C18orf54: variants seen among roughly 807,000 people sequenced by gnomAD.
The protein encoded by C18orf54 is chromosome 18 open reading frame 54, also known as lung adenoma susceptibility protein 2.
C18orf54 carries 49 observed loss-of-function variants against 49.3 expected under a neutral mutation model. That is an observed-to-expected ratio of 0.99 (90% confidence interval 0.79 to 1.26). C18orf54 has a LOEUF of 1.26. Among genes scored for constraint, C18orf54 ranks in the 50% most tolerant of loss-of-function variants. The pLI, the probability that C18orf54 is intolerant of heterozygous loss-of-function variation, is 0.00. For synonymous variants in C18orf54, 211 were observed against 216.6 expected (o/e 0.97, Z 0.23); for missense variants, 687 against 620.6 (o/e 1.11, Z -1.14).
intron 5 of C18orf54, chr18:54,363,963 C>T (rs958976489): frequency 3.9e-5 from 6 of 151,984 alleles, no homozygotes; most frequent in African/African-American, 1.4e-4. Flanking sequence ...GGAGAAATAA[C>T]GTCTGCTTCA....
rs766806300 is a variant in C18orf54, at chr18:54,378,196, C to G, written c.1552C>G (p.Leu518Val). ...AAGGGCTTTGCACCATTTATCTCGC[C>G]TGAGAGACCTGGTTGATGATACGAA... ...LQKALHHLSR[L>V]RDLVDDTNGE... The change falls in exon 9 of 9, where the codon CTG becomes GTG. Residue 518 changes from leucine to valine, a missense_variant. Transcript: ENST00000620105. The G allele has an allele frequency of 5.0e-6, 8 of 1,613,184 alleles. No individual in the cohort carries two copies. The highest frequency in any genetic ancestry group is 5.9e-6 in the Non-Finnish European group (7 of 1,179,512).
chr18:54,363,261 C>T (rs968335202), intron 5 of C18orf54, among the ~76,000 whole-genome samples: 1 of 152,050 alleles, frequency 6.6e-6, no homozygotes, highest in Admixed American at 6.6e-5. Context: ...TGACTTAAAG[C>T]TTTTCCTCTG....
At chr18:54,370,816 T>C (rs1198421638) in intron 6 of C18orf54, among the ~76,000 whole-genome samples, 1 of 152,154 alleles carries the variant, frequency 6.6e-6, no homozygotes, top group Non-Finnish European at 1.5e-5. Context: ...GTAACTATTA[T>C]GGTTGGCATA....
chr18:54,360,400 G>A (rs895394153), intron 2 of C18orf54, 127 bp from the exon 3 acceptor site: 8 of 556,426 alleles, frequency 1.4e-5, no homozygotes, highest in Non-Finnish European at 2.2e-5. Flanking sequence ...TCCTAACAAG[G>A]AGTGTCTGTT....
intron 7 of C18orf54, among the ~76,000 whole-genome samples, chr18:54,373,885 T>C (rs908735355): frequency 2.6e-5 from 4 of 151,978 alleles, no homozygotes; most frequent in African/African-American, 9.6e-5. Flanking sequence ...ATAACATTAA[T>C]ATGTAGAATG....
At chr18:54,378,076 GAAGTT>G (rs2089605413) in intron 8 of C18orf54, 93 bp from the exon 9 acceptor site, 1 of 717,698 alleles carries the variant, frequency 1.4e-6, no homozygotes, top group Non-Finnish European at 2.1e-6. Flanking sequence ...TACCAATTTT[GAAGTT>G]AATAGTCAAC....
chr18:54,373,263 CTT>C (rs1250049318), intron 7 of C18orf54, among the ~76,000 whole-genome samples: 1 of 151,304 alleles, frequency 6.6e-6, no homozygotes, highest in Non-Finnish European at 1.5e-5. Context: ...CATTTAACCT[CTT>C]TAGTTTCAGT....
intron 2 of C18orf54, 66 bp downstream of exon 2, chr18:54,358,936 G>C (rs531664418): frequency 6.6e-6 from 1 of 152,224 alleles, no homozygotes; most frequent in East Asian, 1.9e-4. Context: ...GAAGTGGGGA[G>C]AAGTGGGTGG....
chr18:54,377,267 C>T (rs1026459248), intron 8 of C18orf54, among the ~76,000 whole-genome samples: 3 of 152,088 alleles, frequency 2.0e-5, no homozygotes, highest in Admixed American at 1.3e-4. Flanking sequence ...GAACTCCTGA[C>T]CTCAGGTGGT....
At chr18:54,358,379 C>G (rs909188533) in intron 1 of C18orf54, among the ~76,000 whole-genome samples, 2 of 152,218 alleles carry the variant, frequency 1.3e-5, no homozygotes, top group Admixed American at 6.5e-5. Flanking sequence ...GGCTTGCGCT[C>G]TGGGGCTGTC....
At chr18:54,365,064 T>C (rs2089354270) in intron 5 of C18orf54, among the ~76,000 whole-genome samples, 1 of 152,024 alleles carries the variant, frequency 6.6e-6, no homozygotes, top group Non-Finnish European at 1.5e-5. Flanking sequence ...GAAATGGGTA[T>C]TTATTAAATG....
rs756713933 is a variant in C18orf54, at chr18:54,360,596, T to C, written c.24T>C (p.His8=). 9 of 1,613,882 alleles carry C rather than the reference T, an allele frequency of 5.6e-6. No homozygotes were observed. The East Asian group carries it at 1.8e-4, about 32-fold the overall frequency. Residue 8 remains histidine (H), a synonymous_variant, in exon 3 of 9, where the codon CAT becomes CAC. Transcript: ENST00000620105. The part of the protein sequence containing the change: MAKSKTK[H]RLCSQESSVS... ...CCATGGCGAAATCAAAGACAAAACA[T>C]AGACTTTGTTCTCAGGAATCTTCAG... is the stretch of plus-strand genomic sequence containing the variant.
Position 54,380,534 on chromosome 18 carries a change from A to G in C18orf54, c.*2288A>G, listed in dbSNP as rs1429681185. On this transcript the variant is annotated 3_prime_UTR_variant, in exon 9 of 9. Transcript: ENST00000620105. ...AAGACTGAAATGTATTGTCTTTACT[A>G]TCAAGAACTCTACTTTCAGTTGTTT... 1 of 152,074 alleles carries G rather than the reference A, an allele frequency of 6.6e-6. No individual in the cohort carries two copies. Among genetic ancestry groups the G allele is most frequent in the Non-Finnish European group, 1.5e-5 (1 of 67,946 alleles). 9.4% of individuals were successfully genotyped at this position (152,074 alleles called of 1,614,324 possible).
At chr18:54,369,857 CT>C (rs2089454262) in intron 6 of C18orf54, among the ~76,000 whole-genome samples, 1 of 152,076 alleles carries the variant, frequency 6.6e-6, no homozygotes, top group East Asian at 1.9e-4. Context: ...TCCCAACTCT[CT>C]TTGGTGTGGT....
Position 54,357,981 on chromosome 18 carries a change from C to T in C18orf54, c.-238C>T, listed in dbSNP as rs1339889713. 1 of 152,690 alleles carries T rather than the reference C, an allele frequency of 6.5e-6. No individual in the cohort carries two copies. Among genetic ancestry groups the T allele is most frequent in the Non-Finnish European group, 1.5e-5 (1 of 68,358 alleles). The allele number at this position is 152,690 out of a possible 1,614,324, so 9.5% of individuals were successfully genotyped here. A position where few individuals can be genotyped will look rare whatever the true frequency, so the allele number is the denominator to read the frequency against. The stretch of plus-strand genomic sequence containing the variant: ...ACTGCGGAGGAAGCTGCGAGTGAGC[C>T]GAGCCTGAGGCGGGGCGGTGTCCGG... On this transcript the variant is annotated 5_prime_UTR_variant, in exon 1 of 9. Transcript: ENST00000620105.
chr18:54,360,468 T>G, intron 2 of C18orf54, 59 bp from the exon 3 acceptor site: 3 of 1,100,974 alleles, frequency 2.7e-6, no homozygotes, highest in East Asian at 4.9e-5. Flanking sequence ...TATTTAGTAA[T>G]TTTGTTTGTG....
At chr18:54,369,466 CTTTTTTTTT>C (rs140753589) in intron 6 of C18orf54, among the ~76,000 whole-genome samples, 3 of 89,164 alleles carry the variant, frequency 3.4e-5, no homozygotes, top group African/African-American at 9.3e-5. Context: ...TTGTATATTG[CTTTTTTTTT>C]TTTTTTTTTT....
At position 54,361,880 on chromosome 18, in the gene C18orf54, A is replaced by C. The variant is rs759754084; in HGVS notation, c.521A>C (p.Tyr174Ser). 5.5e-5 allele frequency: 89 copies of C among 1,614,022 alleles called. No individual in the cohort carries two copies. The South Asian group carries it at 8.7e-4, about 16-fold the overall frequency. The change falls in exon 4 of 9, where the codon TAC becomes TCC. Residue 174 changes from tyrosine (Y) to serine (S), a missense_variant. Coordinates refer to ENST00000620105, the MANE Select transcript of C18orf54 (RefSeq NM_001288980.2). Reference sequence around the variant, plus strand: ...AAGAATCCACATTTTCAAGGACCCTACACTTCCATGGGCAAGGATAACTTT... The same window carrying C: ...AAGAATCCACATTTTCAAGGACCCTCCACTTCCATGGGCAAGGATAACTTT... ...IEKNPHFQGP[Y>S]TSMGKDNFVT...
chr18:54,367,353 G>A (rs546194765), intron 6 of C18orf54, among the ~76,000 whole-genome samples: 19 of 152,096 alleles, frequency 1.2e-4, no homozygotes, highest in African/African-American at 4.3e-4. Flanking sequence ...TTTTCATGAT[G>A]GTGCTTATCT....
Sources: allele counts gnomAD v4.1 joint callset (sites outside exome capture counted in the v4.1 genomes callset), GRCh38; gene constraint gnomAD v4.1.1; transcripts MANE v1.5; gene names NCBI Gene and HGNC (gene_info 2026-07-23, HGNC 2026-07-21).